Variants in FBXO21 observed in about 807,000 individuals in gnomAD.
FBXO21 encodes F-box only protein 21.
In FBXO21, 32 loss-of-function variants were observed where a neutral mutation model predicts 76.6. The observed-to-expected ratio is 0.42, with a 90% confidence interval of 0.32 to 0.56. The LOEUF (loss-of-function observed/expected upper bound fraction) is 0.56, where lower values mean the gene tolerates loss of function less well. FBXO21 is among the 20% of genes least tolerant of loss of function. FBXO21 has a pLI of 0.16. For missense variants in FBXO21, 586 were observed against 797.3 expected, an observed-to-expected ratio of 0.73 and a Z score of 3.19; for synonymous variants, 328 against 311.5, an observed-to-expected ratio of 1.05 and a Z score of -0.56.
chr12:117,151,979 A>G (rs1955847340), intron 11 of FBXO21, among the ~76,000 whole-genome samples: 1 of 151,810 alleles, frequency 6.6e-6, no homozygotes, highest in Admixed American at 6.6e-5. Flanking sequence ...TCACTATCTT[A>G]GCCAAGTGAC....
In FBXO21 at chr12:117,190,464, G is replaced by A; in HGVS notation, c.-8C>T. On this transcript the variant is annotated 5_prime_UTR_variant, in exon 1 of 12. Transcript: ENST00000622495. ...GACTGCTGCCGCCGCCATCTTGTCC[G>A]CGTACCTGGGGCCGCCGCGCGCGCG... is the stretch of plus-strand genomic sequence containing the variant. 2.4e-6 allele frequency: 3 copies of A among 1,262,108 alleles called. No individual in the cohort carries two copies. The highest frequency in any genetic ancestry group is 2.7e-5 in the Admixed American group (1 of 36,478). The allele number at this position is 1,262,108 out of a possible 1,614,324, so 78.2% of individuals were successfully genotyped here.
intron 11 of FBXO21, among the ~76,000 whole-genome samples, chr12:117,149,358 T>C (rs117838646): frequency 0.021 from 3,272 of 152,276 alleles, 57 homozygotes; most frequent in Non-Finnish European, 0.031. Flanking sequence ...AAGCTGGGAA[T>C]ACCATCGAGA....
intron 11 of FBXO21, among the ~76,000 whole-genome samples, chr12:117,149,432 T>A (rs1955814453): frequency 6.6e-6 from 1 of 152,178 alleles, no homozygotes; most frequent in Non-Finnish European, 1.5e-5. Context: ...GACATAGGTA[T>A]CTGAAGTACA....
chr12:117,170,182 A>T (rs966752255), intron 7 of FBXO21, among the ~76,000 whole-genome samples: 8 of 152,002 alleles, frequency 5.3e-5, no homozygotes, highest in Non-Finnish European at 1.0e-4. Context: ...CCAAAGAATA[A>T]ATCTAACAAG....
chr12:117,186,476 C>T lies in FBXO21; in HGVS notation c.470+1G>A. On this transcript the variant is annotated splice_donor_variant, in intron 3 of 11. Transcript: ENST00000622495. LOFTEE classifies it high-confidence loss of function. ...AAATCCCTGCTAAAGCTATGGCTTA[C>T]CTTCCTTCCATATTTAGGATACACA... The T allele has an allele frequency of 6.2e-7, 1 of 1,600,084 alleles. No homozygotes were observed. Among genetic ancestry groups the T allele is most frequent in the Non-Finnish European group, 8.6e-7 (1 of 1,168,434 alleles).
intron 3 of FBXO21, among the ~76,000 whole-genome samples, chr12:117,183,538 C>T (rs1280687650): frequency 6.6e-6 from 1 of 152,296 alleles, no homozygotes; most frequent in Non-Finnish European, 1.5e-5. Flanking sequence ...GGATTACAGG[C>T]GTGAGCCACT....
intron 3 of FBXO21, among the ~76,000 whole-genome samples, chr12:117,185,755 A>G (rs1956275592): frequency 1.3e-5 from 2 of 152,250 alleles, no homozygotes; most frequent in Admixed American, 1.3e-4. Context: ...ATCATCCATT[A>G]AATTAAGACA....
intron 10 of FBXO21, among the ~76,000 whole-genome samples, chr12:117,157,056 G>A (rs12297092): frequency 0.18 from 27,451 of 151,808 alleles, 3,214 homozygotes; most frequent in Admixed American, 0.35. Context: ...GGTGGTGTGC[G>A]CCTGTAGTCC....
In FBXO21 at chr12:117,186,501, A is replaced by G; in HGVS notation, c.446T>C (p.Val149Ala). The G allele has an allele frequency of 6.2e-7, 1 of 1,611,614 alleles. No individual in the cohort carries two copies. Among genetic ancestry groups the G allele is most frequent in the Non-Finnish European group, 8.5e-7 (1 of 1,178,170 alleles). The part of the protein sequence containing the change: ...GPEIFFEDEL[V>A]CILNMEGRKA... ...CCTTCCTTCCATATTTAGGATACAC[A>G]CCAGTTCATCCTCAAAAAAAATCTC... The change falls in exon 3 of 12, where the codon GTG (valine) becomes GCG (alanine). Residue 149 changes from valine (V) to alanine (A), a missense_variant. This residue lies in a region of FBXO21 where 246 missense variants were observed against 356.8 expected (regional missense o/e 0.69). Transcript: ENST00000622495.
At chr12:117,155,064 TTCA>T (rs1225396316) in intron 11 of FBXO21, 1 of 152,266 alleles carries the variant, frequency 6.6e-6, no homozygotes, top group Non-Finnish European at 1.5e-5. Flanking sequence ...AGCATTCACA[TTCA>T]TTTTTATTAA....
At position 117,157,936 on chromosome 12, in the gene FBXO21, A is replaced by T; in HGVS notation, c.1454T>A (p.Leu485Gln). The T allele has an allele frequency of 1.2e-6, 2 of 1,614,030 alleles. No individual in the cohort carries two copies. The highest frequency in any genetic ancestry group is 1.7e-6 in the Non-Finnish European group (2 of 1,179,972). ...KKEEVGVEVK[L>Q]RSDEKHRDVC... Reference sequence around the variant, plus strand: ...ATCTCTGTGCTTCTCATCGGAGCGCAGCTTCACCTCTACGCCCACCTCCTC... The same window carrying T: ...ATCTCTGTGCTTCTCATCGGAGCGCTGCTTCACCTCTACGCCCACCTCCTC... The change falls in exon 10 of 12, where the codon CTG becomes CAG. Residue 485 changes from leucine (L) to glutamine (Q), a missense_variant. This residue lies in a region of FBXO21 where 164 missense variants were observed against 236.7 expected (regional missense o/e 0.69). Coordinates refer to ENST00000622495, the MANE Select transcript of FBXO21 (RefSeq NM_015002.3).
Position 117,167,096 on chromosome 12 carries a change from A to G in FBXO21, c.1014-19T>C. The G allele has an allele frequency of 6.2e-7, 1 of 1,601,646 alleles. No homozygotes were observed. The highest frequency in any genetic ancestry group is 8.5e-7 in the Non-Finnish European group (1 of 1,170,264). On this transcript the variant is annotated intron_variant, in intron 7 of 11. Transcript: ENST00000622495. Reference sequence around the variant, plus strand: ...GGTCGCCCTATCCAAAGAGCCAAATATCAGATGAGAGCTGAACAACTCATT... The same window carrying G: ...GGTCGCCCTATCCAAAGAGCCAAATGTCAGATGAGAGCTGAACAACTCATT...
intron 10 of FBXO21, 128 bp from the exon 11 acceptor site, chr12:117,156,076 C>A (rs1199681705): frequency 5.2e-6 from 4 of 765,924 alleles, no homozygotes; most frequent in Non-Finnish European, 8.9e-6. Flanking sequence ...TTTTTCAGGA[C>A]ACCCCTAACC....
intron 2 of FBXO21, among the ~76,000 whole-genome samples, chr12:117,187,367 C>T (rs1004071128): frequency 8.8e-5 from 12 of 135,874 alleles, no homozygotes; most frequent in Non-Finnish European, 1.7e-4. Flanking sequence ...TTGCGGTAAG[C>T]TGAGATCACA....
At chr12:117,161,583 G>A (rs1396972658) in intron 9 of FBXO21, among the ~76,000 whole-genome samples, 6 of 152,180 alleles carry the variant, frequency 3.9e-5, no homozygotes, top group African/African-American at 9.7e-5. Context: ...GCACTGCTTC[G>A]GGCTGCAGAA....
rs1303981862 is a variant in FBXO21 at position 117,143,729 on chromosome 12, AG to A, written c.*2357del. On this transcript the variant is annotated 3_prime_UTR_variant, in exon 12 of 12. Transcript: ENST00000622495. Reference sequence around the variant, plus strand: ...AGAGAGGTGAGAGACATTCTACTCAAGTCATGGCTGGGCTTTCTGTCCTCAA... The same window carrying A: ...AGAGAGGTGAGAGACATTCTACTCAATCATGGCTGGGCTTTCTGTCCTCAA... 16 of 152,798 alleles carry A rather than the reference AG, an allele frequency of 1.0e-4. No individual in the cohort carries two copies. In the East Asian group the frequency reaches 1.5e-3, roughly 15 times the overall value. The allele number at this position is 152,798 out of a possible 1,614,324, so 9.5% of individuals were successfully genotyped here.
In FBXO21 at chr12:117,148,461, A is replaced by G. The variant is rs202078867; in HGVS notation, c.1676-2184T>C. 2.6e-5 allele frequency among the ~76,000 whole-genome samples: 4 copies of G among 152,254 alleles called. No homozygotes were observed. The East Asian group carries it at 7.7e-4, about 29-fold the overall frequency. On this transcript the variant is annotated intron_variant, in intron 11 of 11. Coordinates refer to ENST00000622495, the MANE Select transcript of FBXO21 (RefSeq NM_015002.3). ...CCATGAAAATGAGCAACCTGTTTGT[A>G]AGATCCTCCAAGAAAGGTGGGGGTA...
chr12:117,153,249 G>T (rs559464763), intron 11 of FBXO21, among the ~76,000 whole-genome samples: 1 of 152,192 alleles, frequency 6.6e-6, no homozygotes, highest in East Asian at 1.9e-4. Context: ...ACAGCAGTGG[G>T]TGTGTAGACA....
intron 1 of FBXO21, among the ~76,000 whole-genome samples, chr12:117,189,633 G>C (rs1956324203): frequency 1.3e-5 from 2 of 152,170 alleles, no homozygotes; most frequent in African/African-American, 4.8e-5. Flanking sequence ...ATGACAGTGA[G>C]CACTGATTGA....
Sources: allele counts gnomAD v4.1 joint callset (sites outside exome capture counted in the v4.1 genomes callset), GRCh38; gene constraint gnomAD v4.1.1; regional missense constraint gnomAD v4.1.1; transcripts MANE v1.5; gene names NCBI Gene and HGNC (gene_info 2026-07-23, HGNC 2026-07-21).